Variants in ANO1 observed in about 807,000 individuals in gnomAD.
ANO1 encodes the protein anoctamin-1.
Under a neutral mutation model 124.0 loss-of-function variants are expected in ANO1, and 59 were observed. The observed-to-expected ratio is 0.48, with a 90% CI of 0.39 to 0.59. The LOEUF (loss-of-function observed/expected upper bound fraction) is 0.59, where lower values mean the gene tolerates loss of function less well. Ranked by LOEUF, ANO1 falls within the 20% of genes least tolerant of loss-of-function variation. The pLI is 0.00. For synonymous variants in ANO1, 529 were observed against 532.0 expected, an observed-to-expected ratio of 0.99 and a Z score of 0.08; for missense variants, 1,059 against 1,328.0, an observed-to-expected ratio of 0.80 and a Z score of 3.15.
chr11:70,017,270 G>A (rs1343498490), intron 1 of ANO1, among the ~76,000 whole-genome samples: 1 of 152,150 alleles, frequency 6.6e-6, no homozygotes. Flanking sequence ...TACCCCAACG[G>A]AACTGCAAAA....
chr11:70,167,279 C>T lies in ANO1; in HGVS notation c.2089C>T (p.Gln697Ter). Reference protein sequence around the residue: ...KKLIRYLKLKQQSPPDHEECV... With the variant: ...KKLIRYLKLK ...GCTCATCCGCTACCTGAAGCTGAAG[C>T]AGCAGAGCCCCCCTGACCACGAGGA... Residue 697 changes from glutamine to a stop codon, truncating the protein, a stop_gained, in exon 21 of 26, where the codon CAG (glutamine) becomes TAG (stop). Transcript: ENST00000355303. LOFTEE classifies it high-confidence loss of function. 6.2e-7 allele frequency: 1 copy of T among 1,614,012 alleles called. No individual in the cohort carries two copies. Among genetic ancestry groups the T allele is most frequent in the Admixed American group, 1.7e-5 (1 of 60,020 alleles).
At chr11:70,136,301 C>T (rs527402787) in intron 11 of ANO1, among the ~76,000 whole-genome samples, 57 of 152,280 alleles carry the variant, frequency 3.7e-4, no homozygotes, top group African/African-American at 1.3e-3. Context: ...AACTCGGTCC[C>T]ACAGGCCTCT....
At chr11:70,162,062 G>A (rs1305017332) in intron 18 of ANO1, among the ~76,000 whole-genome samples, 1 of 148,812 alleles carries the variant, frequency 6.7e-6, no homozygotes, top group Non-Finnish European at 1.5e-5. Flanking sequence ...GGGGAGTGAG[G>A]ACCCGGCAGT....
intron 7 of ANO1, among the ~76,000 whole-genome samples, chr11:70,116,119 T>C (rs1006834927): frequency 6.6e-6 from 1 of 152,200 alleles, no homozygotes; most frequent in Non-Finnish European, 1.5e-5. Flanking sequence ...GATACGACTC[T>C]TCCTGCCTCC....
At chr11:70,168,493 C>G (rs1046979097) in intron 21 of ANO1, among the ~76,000 whole-genome samples, 7 of 152,104 alleles carry the variant, frequency 4.6e-5, no homozygotes, top group Admixed American at 1.3e-4. Context: ...TGTCTCCCCC[C>G]GGTAGGACGG....
chr11:70,041,921 T>G (rs1442148099), intron 1 of ANO1, among the ~76,000 whole-genome samples: 3 of 152,172 alleles, frequency 2.0e-5, no homozygotes, highest in African/African-American at 7.2e-5. Context: ...CAACATACCA[T>G]CAGCAATAAG....
At chr11:70,046,326 C>T (rs1477011696) in intron 1 of ANO1, among the ~76,000 whole-genome samples, 1 of 152,130 alleles carries the variant, frequency 6.6e-6, no homozygotes, top group Non-Finnish European at 1.5e-5. Flanking sequence ...TCATTGACTG[C>T]TGTCAATCTA....
chr11:70,088,460 C>T (rs1336318896), intron 2 of ANO1, among the ~76,000 whole-genome samples: 2 of 143,522 alleles, frequency 1.4e-5, no homozygotes, highest in Non-Finnish European at 3.0e-5. Context: ...AGTGAGCGGA[C>T]ATCACGCCAC....
chr11:70,023,860 G>C (rs1565163195), intron 1 of ANO1, among the ~76,000 whole-genome samples: 1 of 152,202 alleles, frequency 6.6e-6, no homozygotes, highest in African/African-American at 2.4e-5. Flanking sequence ...AGACTGGCCT[G>C]TAGTTGCTCT....
chr11:70,117,696 C>T (rs983235798), intron 8 of ANO1, among the ~76,000 whole-genome samples: 2 of 152,168 alleles, frequency 1.3e-5, no homozygotes, highest in African/African-American at 4.8e-5. Context: ...GCCCTATCTG[C>T]TGGTCCTTCC....
rs191455376 is a variant in ANO1 at position 70,166,874 on chromosome 11, G to A, written c.2052-368G>A. 2.5e-3 allele frequency among the ~76,000 whole-genome samples: 382 copies of A among 152,304 alleles called. 3 individuals are homozygous for A. The highest frequency in any genetic ancestry group is 4.5e-3 in the Non-Finnish European group (305 of 68,034). On this transcript the variant is annotated intron_variant, in intron 20 of 25. Transcript: ENST00000355303. ...AGAAATATCACTGGAGGCCAGGCGC[G>A]GTGGCTCATGCCTATAATCCTAGTA...
chr11:69,967,185 G>A, the ANO1 span, among the ~76,000 whole-genome samples: 10 of 24,164 alleles, frequency 4.1e-4, no homozygotes, highest in African/African-American at 7.8e-4. Flanking sequence ...GGCTCTGAGC[G>A]CCCGTATCGC....
chr11:70,095,243 A>G (rs2044801051), intron 2 of ANO1, among the ~76,000 whole-genome samples: 2 of 68,314 alleles, frequency 2.9e-5, no homozygotes, highest in Admixed American at 1.4e-4. Context: ...GAAAGAAAGA[A>G]AAAGAAAGGA....
chr11:69,987,539 A>T (rs1007902177), intron 1 of ANO1, among the ~76,000 whole-genome samples: 3 of 145,156 alleles, frequency 2.1e-5, no homozygotes, highest in African/African-American at 7.9e-5. Context: ...GGATCGCTTG[A>T]GCCCGCAGTG....
chr11:70,019,223 G>C (rs1440479943), intron 1 of ANO1, among the ~76,000 whole-genome samples: 1 of 145,882 alleles, frequency 6.9e-6, no homozygotes, highest in Non-Finnish European at 1.5e-5. Flanking sequence ...GGGATGCAGG[G>C]GAGGGAAAGA....
At chr11:70,006,485 C>T (rs34324505) in intron 1 of ANO1, among the ~76,000 whole-genome samples, 37,250 of 151,780 alleles carry the variant, frequency 0.25, 4,775 homozygotes, top group African/African-American at 0.29. Flanking sequence ...CTGAACCCCA[C>T]ACACAGACCC....
rs972926242 is a variant in ANO1 at position 70,188,062 on chromosome 11, C to A, written c.*58C>A. The A allele has an allele frequency of 6.6e-6, 10 of 1,512,174 alleles. No individual in the cohort carries two copies. In the South Asian group the frequency reaches 1.2e-4, roughly 19 times the overall value. The allele number at this position is 1,512,174 out of a possible 1,614,324, so 93.7% of individuals were successfully genotyped here. On this transcript the variant is annotated 3_prime_UTR_variant, in exon 26 of 26. Coordinates refer to ENST00000355303, the MANE Select transcript of ANO1 (RefSeq NM_018043.7). ...CATCCTGACCGATGGGCACCCTCTC[C>A]CAGGGCAGGCGGCTTCCCGCTCCCA...
intron 1 of ANO1, chr11:70,020,973 G>C (rs951054232): frequency 6.6e-6 from 1 of 152,218 alleles, no homozygotes; most frequent in African/African-American, 2.4e-5. Flanking sequence ...GAGGTGCTTC[G>C]CTGCGGGCGT....
At chr11:69,984,551 T>G (rs1554996642), upstream of ANO1, among the ~76,000 whole-genome samples, 1 of 152,058 alleles carries the variant, frequency 6.6e-6, no homozygotes. Context: ...AACATGTCTT[T>G]GTGGGTTTGC....
Sources: allele counts gnomAD v4.1 joint callset (sites outside exome capture counted in the v4.1 genomes callset), GRCh38; gene constraint gnomAD v4.1.1; transcripts MANE v1.5; gene names NCBI Gene and HGNC (gene_info 2026-07-23, HGNC 2026-07-21).